The following DARS2 variants were observed in gnomAD, a reference collection of about 807,000 sequenced individuals.
The protein encoded by DARS2 is aspartyl-tRNA synthetase 2, mitochondrial, also known as aspartate--tRNA ligase, mitochondrial.
Under a neutral mutation model 83.0 loss-of-function variants are expected in DARS2, and 63 were observed. That is an observed-to-expected ratio of 0.76 (90% CI 0.62 to 0.94). DARS2 has a LOEUF of 0.94. DARS2 is among the 40% of genes least tolerant of loss of function. DARS2 has a pLI of 0.00. For synonymous variants in DARS2, 250 were observed against 269.3 expected, an observed-to-expected ratio of 0.93 and a Z score of 0.70; for missense variants, 675 against 774.4, an observed-to-expected ratio of 0.87 and a Z score of 1.52.
Position 173,825,073 on chromosome 1 carries a change from G to T in DARS2, c.-157G>T. 2 of 1,047,236 alleles carry T rather than the reference G, an allele frequency of 1.9e-6. 1 individual carries two copies. Among genetic ancestry groups the T allele is most frequent in the South Asian group, 2.6e-5 (2 of 75,534 alleles). The allele number at this position is 1,047,236 out of a possible 1,614,324, so 64.9% of individuals were successfully genotyped here. ...GGAGATTTGTCTTGTTTCTAGACAC[G>T]TGTACTCCAATGTTGTGCGGAGGAG... On this transcript the variant is annotated 5_prime_UTR_variant, in exon 1 of 17. Transcript: ENST00000649689.
At chr1:173,851,915 C>A in intron 13 of DARS2, 1 of 985,124 alleles carries the variant, frequency 1.0e-6, no homozygotes, top group Non-Finnish European at 1.2e-6. Context: ...ATGAAGAAAG[C>A]TATTTATTTC....
intron 9 of DARS2, among the ~76,000 whole-genome samples, chr1:173,838,495 A>G (rs1306946215): frequency 6.6e-6 from 1 of 151,940 alleles, no homozygotes; most frequent in South Asian, 2.1e-4. Context: ...CTGTCATTCA[A>G]ATTTTAGTAT....
At chr1:173,852,612 T>G (rs1337557459) in intron 13 of DARS2, among the ~76,000 whole-genome samples, 8 of 151,892 alleles carry the variant, frequency 5.3e-5, no homozygotes, top group Admixed American at 5.3e-4. Flanking sequence ...TCAAGCGATT[T>G]TCCTGCCTCA....
rs1478342286 is a variant in DARS2, at chr1:173,834,778, TTTTG to T, written c.663+263_663+266del. 3.0e-4 allele frequency among the ~76,000 whole-genome samples: 30 copies of T among 101,062 alleles called. 3 individuals are homozygous for T. The highest frequency in any genetic ancestry group is 1.2e-3 in the African/African-American group (26 of 21,256). The allele number at this position is 101,062 out of a possible 152,430, so 66.3% of individuals were successfully genotyped here. On this transcript the variant is annotated intron_variant, in intron 7 of 16. Transcript: ENST00000649689. ...TTTTTGGTTTGTTTTGGGTTTTTTT[TTTTG>T]TTTTTTTTTTTTTTTTGAGACAGTC...
chr1:173,827,020 T>C (rs1012529090), intron 2 of DARS2, among the ~76,000 whole-genome samples: 3 of 152,188 alleles, frequency 2.0e-5, no homozygotes, highest in African/African-American at 7.2e-5. Flanking sequence ...CAGTAACATC[T>C]GTTGAAGGGT....
At chr1:173,842,336 T>TCG (rs1181755788) in intron 11 of DARS2, among the ~76,000 whole-genome samples, 1 of 127,338 alleles carries the variant, frequency 7.9e-6, no homozygotes, top group Non-Finnish European at 1.6e-5. Context: ...TCTTGCTCTG[T>TCG]CGCCCAGGCT....
At chr1:173,853,746 C>T (rs766051343) in intron 14 of DARS2, 49 bp from the exon 15 acceptor site, 33 of 1,564,266 alleles carry the variant, frequency 2.1e-5, no homozygotes, top group Non-Finnish European at 2.8e-5. Context: ...ACCCGTAGAA[C>T]AGAAAACCAG....
rs6425260 is a variant in DARS2, at chr1:173,826,815, C to T, written c.227+29C>T. On this transcript the variant is annotated intron_variant, in intron 2 of 16. Transcript: ENST00000649689. Reference sequence around the variant, plus strand: ...AATTGAGAAAGACAGTCTAAGAATGCATGGTGGTGGTTTTCCCAGGGCAAT... The same window carrying T: ...AATTGAGAAAGACAGTCTAAGAATGTATGGTGGTGGTTTTCCCAGGGCAAT... 4.7e-3 allele frequency: 7,088 copies of T among 1,508,766 alleles called. 302 individuals are homozygous for T. The African/African-American group carries it at 0.088, about 19-fold the overall frequency. The allele number at this position is 1,508,766 out of a possible 1,614,324, so 93.5% of individuals were successfully genotyped here.
chr1:173,826,328 C>T (rs928064027), intron 1 of DARS2, among the ~76,000 whole-genome samples: 8 of 152,036 alleles, frequency 5.3e-5, no homozygotes, highest in Non-Finnish European at 7.4e-5. Context: ...GTTCCTACAC[C>T]GTCCATTTCT....
rs139440235 is a variant in DARS2 at position 173,849,518 on chromosome 1, C to T, written c.1192-809C>T. Among the ~76,000 whole-genome samples the T allele has an allele frequency of 7.0e-4, 96 of 137,342 alleles. 1 individual carries two copies. The highest frequency in any genetic ancestry group is 3.8e-3 in the Middle Eastern group (1 of 260). 90.1% of individuals were successfully genotyped at this position (137,342 alleles called of 152,430 possible). A position where few individuals can be genotyped will look rare whatever the true frequency, so the allele number is the denominator to read the frequency against. On this transcript the variant is annotated intron_variant, in intron 12 of 16. Coordinates refer to ENST00000649689, the MANE Select transcript of DARS2 (RefSeq NM_018122.5). ...CTGCACTCCAGCATGGGTGACAGAG[C>T]GAGACTCCATCTCAAAAAAAAAAAA...
At chr1:173,835,380 C>T (rs28865644) in intron 7 of DARS2, among the ~76,000 whole-genome samples, 3,761 of 151,068 alleles carry the variant, frequency 0.025, 169 homozygotes, top group African/African-American at 0.087. Flanking sequence ...CGTGAGCCAC[C>T]GCGCCCAGCC....
chr1:173,851,696 A>G (rs1490355028), intron 13 of DARS2: 2 of 290,270 alleles, frequency 6.9e-6, no homozygotes, highest in East Asian at 3.5e-4. Flanking sequence ...TTAAAAATGT[A>G]CTGTAAAGAT....
At chr1:173,832,863 A>G (rs1652846017) in intron 5 of DARS2, among the ~76,000 whole-genome samples, 1 of 151,790 alleles carries the variant, frequency 6.6e-6, no homozygotes, top group African/African-American at 2.4e-5. Context: ...CATTCTTTAC[A>G]CTTGTAGTCA....
intron 15 of DARS2, among the ~76,000 whole-genome samples, chr1:173,854,620 G>A (rs1653795706): frequency 6.6e-6 from 1 of 152,170 alleles, no homozygotes; most frequent in South Asian, 2.1e-4. Context: ...GAATCCAGGT[G>A]AGGTGGCTCT....
intron 2 of DARS2, 45 bp downstream of exon 2, chr1:173,826,831 C>T (rs753404525): frequency 5.7e-6 from 8 of 1,391,720 alleles, no homozygotes; most frequent in Non-Finnish European, 7.2e-6. Context: ...GGTGGTTTTC[C>T]CAGGGCAATT....
At chr1:173,844,115 A>C (rs1653331147) in intron 11 of DARS2, among the ~76,000 whole-genome samples, 1 of 152,218 alleles carries the variant, frequency 6.6e-6, no homozygotes, top group African/African-American at 2.4e-5. Flanking sequence ...GAGGGGGAAT[A>C]CACCCCAAAA....
At chr1:173,845,464 T>C (rs1653398903) in intron 12 of DARS2, among the ~76,000 whole-genome samples, 173 bp downstream of exon 12, 2 of 152,200 alleles carry the variant, frequency 1.3e-5, no homozygotes, top group Non-Finnish European at 2.9e-5. Flanking sequence ...TGTAGTCTTA[T>C]TCTGTCGCCC....
At chr1:173,837,590 C>T (rs905198991) in intron 8 of DARS2, among the ~76,000 whole-genome samples, 4 of 151,972 alleles carry the variant, frequency 2.6e-5, no homozygotes, top group African/African-American at 9.7e-5. Context: ...TATGAAGAAG[C>T]ATGGGCTAAA....
At position 173,857,730 on chromosome 1, in the gene DARS2, GAGCTTTT is replaced by G; in HGVS notation, c.*28_*34del. ...AATCATGCATACCATGCAGAAAGTT[GAGCTTTT>G]AGGTTTTGTCCTCTTTGCTTCCCCA... On this transcript the variant is annotated 3_prime_UTR_variant, in exon 17 of 17. Transcript: ENST00000649689. The G allele has an allele frequency of 6.2e-7, 1 of 1,613,824 alleles. No homozygotes were observed. Among genetic ancestry groups the G allele is most frequent in the Non-Finnish European group, 8.5e-7 (1 of 1,179,820 alleles).
Sources: gnomAD v4.1 joint callset for allele counts (sites outside exome capture counted in the v4.1 genomes callset) on GRCh38, gnomAD v4.1.1 for gene constraint, MANE v1.5 for transcripts, NCBI Gene and HGNC (gene_info 2026-07-23, HGNC 2026-07-21) for gene names.